ECM2: variants seen among roughly 807,000 people sequenced by gnomAD.
ECM2 encodes extracellular matrix protein 2.
In ECM2, 57 loss-of-function variants were observed where a neutral mutation model predicts 67.5. That is an observed-to-expected ratio of 0.84 (90% CI 0.68 to 1.05). The LOEUF is 1.05. Ranked by LOEUF, ECM2 falls within the 50% of genes least tolerant of loss-of-function variation. The pLI is 0.00. For missense variants in ECM2, 741 were observed against 822.8 expected (o/e 0.90, Z 1.22); for synonymous variants, 258 against 294.5 (o/e 0.88, Z 1.27).
intron 4 of ECM2, 113 bp downstream of exon 4, chr9:92,514,518 G>A (rs748254290): frequency 1.9e-4 from 266 of 1,376,458 alleles, no homozygotes; most frequent in Non-Finnish European, 2.4e-4. Flanking sequence ...CAGGTGATCT[G>A]GCCACCTCAG....
the ECM2 span, among the ~76,000 whole-genome samples, chr9:92,554,205 C>T: frequency 2.0e-5 from 3 of 148,564 alleles, no homozygotes; most frequent in Non-Finnish European, 4.4e-5. Flanking sequence ...TTTTTTGAGA[C>T]GGAGTTTCGC....
chr9:92,500,684 C>A, intron 9 of ECM2, 43 bp downstream of exon 9: 1 of 1,554,048 alleles, frequency 6.4e-7, no homozygotes, highest in Non-Finnish European at 8.7e-7. Context: ...ATATATTTTG[C>A]CAACCAAAAT....
At chr9:92,523,455 A>T (rs1423831634) in intron 1 of ECM2, among the ~76,000 whole-genome samples, 1 of 152,122 alleles carries the variant, frequency 6.6e-6, no homozygotes, top group Non-Finnish European at 1.5e-5. Flanking sequence ...GCCCTGTGGC[A>T]ACAAAGGAAG....
chr9:92,550,135 C>A, the ECM2 span, among the ~76,000 whole-genome samples: 1 of 152,156 alleles, frequency 6.6e-6, no homozygotes, highest in African/African-American at 2.4e-5. Flanking sequence ...TGGTGGCTCA[C>A]GCCTACAATC....
rs140122769 is a variant in ECM2 at position 92,523,725 on chromosome 9, G to A, written c.-27-832C>T. ...ACTTATTGGAGAGTAGCTAGTAGGA[G>A]CGGGCTTAACTAGGAGCCTGTACGT... On this transcript the variant is annotated intron_variant, in intron 1 of 9. Transcript: ENST00000344604. 3.7e-3 allele frequency among the ~76,000 whole-genome samples: 567 copies of A among 152,342 alleles called. 3 individuals are homozygous for A. The highest frequency in any genetic ancestry group is 0.012 in the African/African-American group (505 of 41,572).
chr9:92,541,554 C>T (rs1207047507), upstream of ECM2, among the ~76,000 whole-genome samples: 1 of 151,228 alleles, frequency 6.6e-6, no homozygotes, highest in East Asian at 2.0e-4. Flanking sequence ...TTTTAAGATT[C>T]CATATATAAG....
In ECM2 at chr9:92,514,996, G is replaced by A. The variant is rs1217272410; in HGVS notation, c.689C>T (p.Thr230Ile). The change falls in exon 4 of 10, where the codon ACC (threonine) becomes ATC (isoleucine). Residue 230 changes from threonine (T) to isoleucine (I), a missense_variant. By Grantham distance (89) the Thr-to-Ile change is moderately conservative. Transcript: ENST00000344604. ...TTGCCCCTGATTTCTAGATTCAGGG[G>A]TCTCTCTCTTTTGCTCTGTATCTTC... is the stretch of plus-strand genomic sequence containing the variant. ...KEEDTEQKRE[T>I]PESRNQGQLY... 1 of 1,614,042 alleles carries A rather than the reference G, an allele frequency of 6.2e-7. No individual in the cohort carries two copies. The highest frequency in any genetic ancestry group is 1.7e-5 in the Admixed American group (1 of 59,996).
chr9:92,533,412 T>TTTTG (rs1046798034), intron 1 of ECM2, among the ~76,000 whole-genome samples: 10 of 144,504 alleles, frequency 6.9e-5, no homozygotes, highest in African/African-American at 1.3e-4. Flanking sequence ...CTTGCCTCCA[T>TTTTG]TTTGTTTGTT....
chr9:92,548,857 T>TTGTG, the ECM2 span, among the ~76,000 whole-genome samples: 17 of 150,438 alleles, frequency 1.1e-4, no homozygotes, highest in South Asian at 4.2e-4. Flanking sequence ...CAGTTCACTT[T>TTGTG]TGTGTGTGTG....
chr9:92,498,035 G>A (rs1037501581), intron 9 of ECM2, among the ~76,000 whole-genome samples: 1 of 152,112 alleles, frequency 6.6e-6, no homozygotes, highest in Admixed American at 6.5e-5. Context: ...TACTTGCACA[G>A]CCTGAAGAAC....
intron 7 of ECM2, 65 bp from the exon 8 acceptor site, chr9:92,502,717 G>A: frequency 7.7e-7 from 1 of 1,294,658 alleles, no homozygotes; most frequent in South Asian, 1.5e-5. Context: ...ATTTCATGGA[G>A]ACTAAAATAG....
chr9:92,532,018 T>TTTTTTTTTTTTTG (rs1848809504), intron 1 of ECM2, among the ~76,000 whole-genome samples: 1 of 126,496 alleles, frequency 7.9e-6, no homozygotes, highest in South Asian at 2.3e-4. Context: ...ATTTAATGTT[T>TTTTTTTTTTTTTG]TTTTTTTTTT....
At chr9:92,511,619 A>C (rs1306743789) in intron 5 of ECM2, among the ~76,000 whole-genome samples, 7 of 152,056 alleles carry the variant, frequency 4.6e-5, no homozygotes, top group African/African-American at 7.2e-5. Context: ...TGCACACACA[A>C]AAAAAGGAAG....
rs1185199457 is a variant in ECM2, at chr9:92,501,071, G to A, written c.1605-18C>T. ...CTAGATTTCTGCAGCAAAGAAAAAA[G>A]TAAACAGGGTAGGGACATCAGGATG... On this transcript the variant is annotated intron_variant, in intron 8 of 9. Coordinates refer to ENST00000344604, the MANE Select transcript of ECM2 (RefSeq NM_001393.4). 6.2e-7 allele frequency: 1 copy of A among 1,608,086 alleles called. No homozygotes were observed. The highest frequency in any genetic ancestry group is 1.1e-5 in the South Asian group (1 of 90,766).
the ECM2 span, among the ~76,000 whole-genome samples, chr9:92,556,859 G>A: frequency 2.6e-5 from 4 of 152,154 alleles, no homozygotes; most frequent in African/African-American, 7.2e-5. Context: ...TTTGTTGCCT[G>A]TGTACTTTGT....
Position 92,514,622 on chromosome 9 carries a change from A to T in ECM2, c.1054+9T>A. ...AGCACAAAATAAAGCAGAAGTCAACATCTCTTACCAGTGAGCTCCAGACTT... is the reference window on the plus strand; with the variant it reads ...AGCACAAAATAAAGCAGAAGTCAACTTCTCTTACCAGTGAGCTCCAGACTT... On this transcript the variant is annotated intron_variant, in intron 4 of 9. Transcript: ENST00000344604. The T allele has an allele frequency of 6.4e-7, 1 of 1,552,230 alleles. No individual in the cohort carries two copies. The highest frequency in any genetic ancestry group is 8.7e-7 in the Non-Finnish European group (1 of 1,148,544).
intron 7 of ECM2, among the ~76,000 whole-genome samples, chr9:92,505,197 T>C (rs898050288): frequency 1.2e-4 from 19 of 152,228 alleles, no homozygotes; most frequent in Admixed American, 1.2e-3. Context: ...AAGCGTCACA[T>C]TTCTAGATTG....
chr9:92,543,024 C>A, the ECM2 span, among the ~76,000 whole-genome samples: 1 of 152,188 alleles, frequency 6.6e-6, no homozygotes, highest in Non-Finnish European at 1.5e-5. Flanking sequence ...AACCAATTCA[C>A]TGTAAATGCA....
the ECM2 span, among the ~76,000 whole-genome samples, chr9:92,551,431 A>G: frequency 6.6e-6 from 1 of 152,126 alleles, no homozygotes; most frequent in African/African-American, 2.4e-5. Context: ...TCAACCTCCC[A>G]GGCTCAAACA....
Sources: allele counts gnomAD v4.1 joint callset (sites outside exome capture counted in the v4.1 genomes callset), GRCh38; gene constraint gnomAD v4.1.1; transcripts MANE v1.5; gene names NCBI Gene and HGNC (gene_info 2026-07-23, HGNC 2026-07-21).